The following SGCD variants were observed in gnomAD, a reference collection of about 807,000 sequenced individuals.
The protein encoded by SGCD is sarcoglycan delta.
SGCD carries 18 observed loss-of-function variants against 36.6 expected under a neutral mutation model. That is an observed-to-expected ratio of 0.49 (90% confidence interval 0.34 to 0.73). The LOEUF is 0.73. Ranked by LOEUF, SGCD falls within the 30% of genes least tolerant of loss-of-function variation. The pLI, the probability that SGCD is intolerant of heterozygous loss-of-function variation, is 0.01. For missense variants in SGCD, 387 were observed against 346.7 expected (o/e 1.12, Z -0.92); for synonymous variants, 133 against 130.6 (o/e 1.02, Z -0.12).
chr5:156,004,482 G>A (rs1167876837), intron 1 of SGCD, among the ~76,000 whole-genome samples: 5 of 152,092 alleles, frequency 3.3e-5, no homozygotes, highest in South Asian at 4.1e-4. Context: ...AACCCGTAAG[G>A]TTAGTACTAT....
chr5:156,073,740 A>G (rs2127589170), intron 1 of SGCD, among the ~76,000 whole-genome samples: 1 of 152,336 alleles, frequency 6.6e-6, no homozygotes, highest in East Asian at 1.9e-4. Context: ...AAATCAGCAG[A>G]AAGATATAAT....
chr5:156,360,013 G>A (rs1769700558), intron 3 of SGCD, among the ~76,000 whole-genome samples: 1 of 152,146 alleles, frequency 6.6e-6, no homozygotes, highest in African/African-American at 2.4e-5. Flanking sequence ...GTCCAGGGTT[G>A]CCCTGATCCC....
chr5:156,164,271 C>G (rs181113088), intron 3 of SGCD, among the ~76,000 whole-genome samples: 3 of 151,434 alleles, frequency 2.0e-5, no homozygotes, highest in African/African-American at 7.4e-5. Flanking sequence ...TTCAATTTTC[C>G]CCTTGGAATA....
intron 3 of SGCD, among the ~76,000 whole-genome samples, chr5:156,169,025 A>G (rs1763278835): frequency 6.6e-6 from 1 of 152,336 alleles, no homozygotes; most frequent in Non-Finnish European, 1.5e-5. Flanking sequence ...CAGGAGAAAC[A>G]TCTGATCTCA....
At chr5:156,127,277 T>G (rs2127604701) in intron 3 of SGCD, among the ~76,000 whole-genome samples, 1 of 152,172 alleles carries the variant, frequency 6.6e-6, no homozygotes, top group Non-Finnish European at 1.5e-5. Context: ...AATCTAAACT[T>G]AAAATAGCTG....
chr5:156,108,399 T>C (rs115020238), intron 1 of SGCD, among the ~76,000 whole-genome samples: 1,982 of 152,176 alleles, frequency 0.013, 48 homozygotes, highest in African/African-American at 0.045. Flanking sequence ...AGCTATTCAA[T>C]GTATGAGCCT....
At chr5:156,643,031 T>C (rs1309919346) in intron 6 of SGCD, among the ~76,000 whole-genome samples, 1 of 62,528 alleles carries the variant, frequency 1.6e-5, no homozygotes, top group African/African-American at 8.2e-5. Context: ...TTTGTTTTTT[T>C]TTTTGTTTGT....
At chr5:155,833,053 CGAAAAAAAA>C in the SGCD span, among the ~76,000 whole-genome samples, 1 of 90,336 alleles carries the variant, frequency 1.1e-5, no homozygotes, top group Non-Finnish European at 2.3e-5. Context: ...ACTAAAAATA[CGAAAAAAAA>C]AAAAAAAAAG....
At chr5:156,655,139 A>G (rs190610714) in intron 7 of SGCD, among the ~76,000 whole-genome samples, 2 of 152,250 alleles carry the variant, frequency 1.3e-5, no homozygotes, top group Non-Finnish European at 2.9e-5. Context: ...AATGGATTCA[A>G]AAGACCACAA....
chr5:155,909,373 G>A, intron 1 of SGCD, among the ~76,000 whole-genome samples: 1 of 152,118 alleles, frequency 6.6e-6, no homozygotes, highest in African/African-American at 2.4e-5. Flanking sequence ...GACAAGTGGG[G>A]TCCTGGTGGA....
intron 3 of SGCD, among the ~76,000 whole-genome samples, chr5:156,186,043 C>G (rs1489578977): frequency 6.7e-6 from 1 of 149,770 alleles, no homozygotes; most frequent in Non-Finnish European, 1.5e-5. Context: ...TAATTGGCCA[C>G]TTTAATGTTT....
At chr5:156,622,932 C>G (rs369720274) in intron 6 of SGCD, among the ~76,000 whole-genome samples, 1 of 151,524 alleles carries the variant, frequency 6.6e-6, no homozygotes, top group African/African-American at 2.4e-5. Flanking sequence ...TCAGAGAGTC[C>G]TTCTTGCTTC....
At chr5:156,136,711 A>G (rs1393649487) in intron 3 of SGCD, among the ~76,000 whole-genome samples, 1 of 152,182 alleles carries the variant, frequency 6.6e-6, no homozygotes, top group East Asian at 1.9e-4. Context: ...AACAACCAGA[A>G]AAGATTTTTG....
At chr5:156,409,898 C>T (rs1310132781) in intron 3 of SGCD, among the ~76,000 whole-genome samples, 1 of 152,056 alleles carries the variant, frequency 6.6e-6, no homozygotes, top group African/African-American at 2.4e-5. Context: ...TTCTTTCCTC[C>T]AGTCTTCTCC....
chr5:156,448,715 G>GTTTCCT (rs1561702526), intron 3 of SGCD, among the ~76,000 whole-genome samples: 1 of 123,528 alleles, frequency 8.1e-6, no homozygotes, highest in Non-Finnish European at 1.7e-5. Flanking sequence ...GGTGGGAGAA[G>GTTTCCT]TTTCTTTTTC....
At chr5:156,477,310 G>T (rs1755224886) in intron 3 of SGCD, among the ~76,000 whole-genome samples, 2 of 152,244 alleles carry the variant, frequency 1.3e-5, no homozygotes, top group South Asian at 2.1e-4. Flanking sequence ...AGACAGTGAG[G>T]TTATTCTTCC....
intron 7 of SGCD, among the ~76,000 whole-genome samples, chr5:156,678,452 A>T (rs1030802812): frequency 1.3e-5 from 2 of 152,224 alleles, no homozygotes; most frequent in Admixed American, 1.3e-4. Flanking sequence ...CACCAAAAAA[A>T]TCATGGAAGG....
At chr5:156,667,747 C>T (rs780292448) in intron 7 of SGCD, among the ~76,000 whole-genome samples, 7 of 152,118 alleles carry the variant, frequency 4.6e-5, no homozygotes, top group African/African-American at 7.2e-5. Context: ...GAACACAGGA[C>T]GAGTTCTGAA....
chr5:156,446,982 C>T (rs1273468820), intron 3 of SGCD, among the ~76,000 whole-genome samples: 1 of 152,120 alleles, frequency 6.6e-6, no homozygotes, highest in Non-Finnish European at 1.5e-5. Context: ...GCCCAGGTTT[C>T]TGCAAGCATC....
Sources: gnomAD v4.1 joint callset for allele counts (sites outside exome capture counted in the v4.1 genomes callset) on GRCh38, gnomAD v4.1.1 for gene constraint, MANE v1.5 for transcripts, NCBI Gene and HGNC (gene_info 2026-07-23, HGNC 2026-07-21) for gene names.